Variants in RPH3AL observed in about 807,000 individuals in gnomAD.
RPH3AL encodes rabphilin 3A like (without C2 domains), also known as rab effector Noc2.
A neutral mutation model predicts 43.1 loss-of-function variants in RPH3AL; 38 were observed. The observed-to-expected ratio is 0.88, with a 90% CI of 0.68 to 1.15. The LOEUF (loss-of-function observed/expected upper bound fraction) is 1.15, where lower values mean the gene tolerates loss of function less well. Ranked by LOEUF, RPH3AL falls within the 50% of genes most tolerant of loss-of-function variation. RPH3AL has a pLI of 0.00. For missense variants in RPH3AL, 462 were observed against 423.2 expected, an observed-to-expected ratio of 1.09 and a Z score of -0.81; for synonymous variants, 189 against 176.3, an observed-to-expected ratio of 1.07 and a Z score of -0.57.
At chr17:237,611 G>A (rs1036375815) in intron 7 of RPH3AL, among the ~76,000 whole-genome samples, 4 of 152,262 alleles carry the variant, frequency 2.6e-5, no homozygotes, top group African/African-American at 9.6e-5. Flanking sequence ...GAGGAAATGG[G>A]TATTTACACC....
intron 8 of RPH3AL, among the ~76,000 whole-genome samples, chr17:216,858 G>A (rs1041160794): frequency 6.6e-6 from 1 of 152,110 alleles, no homozygotes; most frequent in African/African-American, 2.4e-5. Flanking sequence ...GTCTGCCATG[G>A]TCACAGGAGA....
chr17:245,059 ATG>A lies in RPH3AL; in HGVS notation c.613+2050_613+2051del, dbSNP rs1173016149. ...ATGTGAGCACTATGTGTGCATGTGG[ATG>A]TGTGTGCATAAATGTGCATGCGCAA... On this transcript the variant is annotated intron_variant, in intron 7 of 9. Transcript: ENST00000331302. This position sits in a 1 kb window ranked among gnomAD's most constrained non-coding sequence, Gnocchi z 5.9. 1.4e-5 allele frequency among the ~76,000 whole-genome samples: 2 copies of A among 147,578 alleles called. No homozygotes were observed. The highest frequency in any genetic ancestry group is 2.2e-4 in the South Asian group (1 of 4,572).
intron 7 of RPH3AL, among the ~76,000 whole-genome samples, chr17:243,032 TTGAA>T (rs1386098298): frequency 1.7e-5 from 2 of 118,516 alleles, no homozygotes; most frequent in East Asian, 5.1e-4. Context: ...CCTTCCTCTA[TTGAA>T]TACCATCCTC....
At chr17:321,575 A>G (rs370966494) in intron 3 of RPH3AL, 160 bp from the exon 4 acceptor site, 495 of 567,912 alleles carry the variant, frequency 8.7e-4, no homozygotes, top group Middle Eastern at 1.0e-3. Flanking sequence ...CCAGGTGGCA[A>G]CAGAGATGGC....
chr17:316,255 A>C (rs2044170320), intron 5 of RPH3AL, among the ~76,000 whole-genome samples: 1 of 111,516 alleles, frequency 9.0e-6, no homozygotes, highest in South Asian at 3.6e-4. Flanking sequence ...ATTGACCTGT[A>C]GTCCCTGTGA....
Position 310,047 on chromosome 17 carries a change from A to G in RPH3AL, c.351+9373T>C, listed in dbSNP as rs1437694626. Among the ~76,000 whole-genome samples the G allele has an allele frequency of 2.7e-5, 4 of 149,214 alleles. No individual in the cohort carries two copies. In the East Asian group the frequency reaches 5.9e-4, roughly 22 times the overall value. On this transcript the variant is annotated intron_variant, in intron 5 of 9. Transcript: ENST00000331302. ...GTGGGACACCTTTGGCTGAGACCAG[A>G]AAAAAAAAACGACTGCTTCCCTCAA...
At chr17:226,617 G>A (rs1357897538) in intron 7 of RPH3AL, among the ~76,000 whole-genome samples, 1 of 152,198 alleles carries the variant, frequency 6.6e-6, no homozygotes. Flanking sequence ...GAAGCCCTGG[G>A]CCCAACACAA....
rs1277123635 is a variant in RPH3AL at position 283,449 on chromosome 17, T to C, written c.352-1595A>G. Among the ~76,000 whole-genome samples, 1 of 152,118 alleles carries C rather than the reference T, an allele frequency of 6.6e-6. No homozygotes were observed. The highest frequency in any genetic ancestry group is 1.5e-5 in the Non-Finnish European group (1 of 68,022). ...GGTACGAGAAATGTCACCTTTTATTTATCCAAAGAAAATGCAATCTGCTCC... is the reference window on the plus strand; with the variant it reads ...GGTACGAGAAATGTCACCTTTTATTCATCCAAAGAAAATGCAATCTGCTCC... On this transcript the variant is annotated intron_variant, in intron 5 of 9. Coordinates refer to ENST00000331302, the MANE Select transcript of RPH3AL (RefSeq NM_006987.4). This position sits in a 1 kb window ranked among gnomAD's most constrained non-coding sequence, Gnocchi z 4.2.
chr17:322,674 GGCA>G lies in RPH3AL; in HGVS notation c.78-1262_78-1260del, dbSNP rs2044512665. 6.6e-6 allele frequency among the ~76,000 whole-genome samples: 1 copy of G among 152,106 alleles called. No homozygotes were observed. The highest frequency in any genetic ancestry group is 2.4e-5 in the African/African-American group (1 of 41,394). ...CAAGAGTCCTGGAGGCAGGACCTAG[GGCA>G]GCAGGCTGAGGGAGGCGGACCCTTT... On this transcript the variant is annotated intron_variant, in intron 3 of 9. Transcript: ENST00000331302. The surrounding 1 kb of genome is among the most constrained non-coding windows in gnomAD (Gnocchi z 4.0).
intron 7 of RPH3AL, among the ~76,000 whole-genome samples, chr17:236,548 C>T (rs1188311220): frequency 6.2e-5 from 4 of 64,734 alleles, no homozygotes; most frequent in Admixed American, 1.9e-4. Context: ...GTCCTGAGAG[C>T]GGGGTGGGGG....
At chr17:291,350 G>C (rs1369113980) in intron 5 of RPH3AL, among the ~76,000 whole-genome samples, 2 of 151,812 alleles carry the variant, frequency 1.3e-5, no homozygotes, top group African/African-American at 4.8e-5. Flanking sequence ...GACCAGCCTG[G>C]GCAACACAAT....
chr17:266,821 C>T (rs1237004150), intron 6 of RPH3AL, among the ~76,000 whole-genome samples: 2 of 152,220 alleles, frequency 1.3e-5, no homozygotes, highest in Non-Finnish European at 2.9e-5. Context: ...AACCCCTGGC[C>T]GGGGACTGGC....
chr17:235,143 ACGGG>A (rs1441145913), intron 7 of RPH3AL, among the ~76,000 whole-genome samples: 14 of 151,656 alleles, frequency 9.2e-5, no homozygotes, highest in Non-Finnish European at 2.1e-4. Context: ...CACTAACAAG[ACGGG>A]TGCAGGGTTC....
In RPH3AL at chr17:315,870, CCA is replaced by C. The variant is rs1377250288; in HGVS notation, c.351+3548_351+3549del. The stretch of plus-strand genomic sequence containing the variant: ...CCATTGACCTGTAGTCCCTGTGCCC[CCA>C]CCTCCATTGACCTGTAGTCCCTGTG... On this transcript the variant is annotated intron_variant, in intron 5 of 9. Transcript: ENST00000331302. 2.6e-5 allele frequency among the ~76,000 whole-genome samples: 4 copies of C among 151,816 alleles called. No individual in the cohort carries two copies. The East Asian group carries it at 7.8e-4, about 30-fold the overall frequency.
intron 6 of RPH3AL, among the ~76,000 whole-genome samples, chr17:251,053 C>T (rs958797570): frequency 3.3e-5 from 5 of 152,202 alleles, no homozygotes; most frequent in East Asian, 1.9e-4. Flanking sequence ...TGCATGGACT[C>T]GGCACTTAAC....
intron 7 of RPH3AL, among the ~76,000 whole-genome samples, chr17:229,843 G>A (rs112845466): frequency 6.6e-6 from 1 of 152,228 alleles, no homozygotes; most frequent in African/African-American, 2.4e-5. Context: ...GGAGAAAGGG[G>A]GCTCTGAGGC....
In RPH3AL at chr17:345,777, G is replaced by A. The variant is rs1424715242; in HGVS notation, c.-213+6935C>T. Reference sequence around the variant, plus strand: ...GCGTGCACACCCTGCTGGGGCACGCGTGCTCCCCATCTGCATGCACACCCT... The same window carrying A: ...GCGTGCACACCCTGCTGGGGCACGCATGCTCCCCATCTGCATGCACACCCT... On this transcript the variant is annotated intron_variant, in intron 1 of 9. Coordinates refer to ENST00000331302, the MANE Select transcript of RPH3AL (RefSeq NM_006987.4). Among the ~76,000 whole-genome samples, 8 of 129,754 alleles carry A rather than the reference G, an allele frequency of 6.2e-5. 3 individuals are homozygous for A. Among genetic ancestry groups the A allele is most frequent in the African/African-American group, 7.9e-5 (3 of 38,020 alleles). 85.1% of individuals were successfully genotyped at this position (129,754 alleles called of 152,430 possible). A position where few individuals can be genotyped will look rare whatever the true frequency, so the allele number is the denominator to read the frequency against.
chr17:252,692 T>G (rs924107591), intron 6 of RPH3AL, among the ~76,000 whole-genome samples: 1 of 152,192 alleles, frequency 6.6e-6, no homozygotes, highest in Non-Finnish European at 1.5e-5. Context: ...ATCAGCCCAG[T>G]GCTCGGTTAT....
At chr17:238,045 G>T (rs1006995859) in intron 7 of RPH3AL, among the ~76,000 whole-genome samples, 1 of 152,066 alleles carries the variant, frequency 6.6e-6, no homozygotes, top group African/African-American at 2.4e-5. Flanking sequence ...AGGCAGAGGT[G>T]GGAGGATTGC....
Sources: allele counts gnomAD v4.1 joint callset (sites outside exome capture counted in the v4.1 genomes callset), GRCh38; gene constraint gnomAD v4.1.1; non-coding constraint Gnocchi (gnomAD v3.1); transcripts MANE v1.5; gene names NCBI Gene and HGNC (gene_info 2026-07-23, HGNC 2026-07-21).